SLC12A6: variants seen among roughly 807,000 people sequenced by gnomAD.
The protein encoded by SLC12A6 is solute carrier family 12 member 6.
SLC12A6 carries 66 observed loss-of-function variants against 135.3 expected under a neutral mutation model. That is an observed-to-expected ratio of 0.49 (90% CI 0.40 to 0.60). The LOEUF (loss-of-function observed/expected upper bound fraction) is 0.60. Ranked by LOEUF, SLC12A6 falls within the 20% of genes least tolerant of loss-of-function variation. The pLI, the probability that SLC12A6 is intolerant of heterozygous loss-of-function variation, is 0.00. For missense variants in SLC12A6, 1,058 were observed against 1,452.3 expected, an observed-to-expected ratio of 0.73 and a Z score of 4.41; for synonymous variants, 513 against 508.8, an observed-to-expected ratio of 1.01 and a Z score of -0.11.
intron 3 of SLC12A6, among the ~76,000 whole-genome samples, chr15:34,272,857 T>C (rs552571032): frequency 5.9e-5 from 9 of 152,220 alleles, no homozygotes; most frequent in Non-Finnish European, 1.3e-4. Context: ...GTGTTCCTGA[T>C]AATGAACTAT....
intron 3 of SLC12A6, among the ~76,000 whole-genome samples, chr15:34,274,668 C>T (rs1894179089): frequency 1.3e-5 from 2 of 152,050 alleles, no homozygotes; most frequent in Non-Finnish European, 2.9e-5. Context: ...CAAAAATTAG[C>T]TGGGTGTGGT....
At chr15:34,335,781 C>T (rs1890157131) in intron 2 of SLC12A6, among the ~76,000 whole-genome samples, 1 of 152,144 alleles carries the variant, frequency 6.6e-6, no homozygotes, top group South Asian at 2.1e-4. Flanking sequence ...ATCTAAAGCT[C>T]AGAGAGAATA....
At chr15:34,337,053 C>T in intron 1 of SLC12A6, 1 of 333,914 alleles carries the variant, frequency 3.0e-6, no homozygotes, top group South Asian at 2.5e-5. Context: ...GCCTCCCTCC[C>T]CTCAGCCCCC....
At position 34,254,066 on chromosome 15, in the gene SLC12A6, A is replaced by C. The variant is rs76027545; in HGVS notation, c.1118+282T>G. ...AATAGTTCAAAATGTGTATAATAAA[A>C]AAAGATTATGTACAATTATCAGGGA... On this transcript the variant is annotated intron_variant, in intron 9 of 25. Coordinates refer to ENST00000354181, the MANE Select transcript of SLC12A6 (RefSeq NM_001365088.1). Among the ~76,000 whole-genome samples the C allele has an allele frequency of 0.089, 13,611 of 152,290 alleles. 869 individuals carry two copies. The highest frequency in any genetic ancestry group is 0.21 in the South Asian group (1,018 of 4,830).
intron 2 of SLC12A6, among the ~76,000 whole-genome samples, chr15:34,321,079 A>C (rs1391801089): frequency 6.6e-6 from 1 of 152,190 alleles, no homozygotes; most frequent in Non-Finnish European, 1.5e-5. Context: ...AAACAGAAAC[A>C]TTAGACTAAG....
intron 2 of SLC12A6, among the ~76,000 whole-genome samples, chr15:34,310,514 G>A (rs1410567900): frequency 7.8e-6 from 1 of 128,606 alleles, no homozygotes; most frequent in Non-Finnish European, 1.6e-5. Context: ...GTGTGTCCCC[G>A]TGGCCAGGCT....
chr15:34,313,947 C>T (rs1162579709), intron 2 of SLC12A6, among the ~76,000 whole-genome samples: 5 of 107,296 alleles, frequency 4.7e-5, no homozygotes, highest in African/African-American at 7.6e-5. Context: ...CTCTTAAAAA[C>T]GAAAAAAAAA....
At chr15:34,245,016 A>T (rs1735966945) in intron 15 of SLC12A6, among the ~76,000 whole-genome samples, 1 of 152,226 alleles carries the variant, frequency 6.6e-6, no homozygotes, top group Non-Finnish European at 1.5e-5. Context: ...AATAAATAAA[A>T]ACTAACAGTG....
rs1055957108 is a variant in SLC12A6, at chr15:34,231,795, T to C, written c.*2086A>G. 6.6e-6 allele frequency: 1 copy of C among 152,088 alleles called. No individual in the cohort carries two copies. The highest frequency in any genetic ancestry group is 1.5e-5 in the Non-Finnish European group (1 of 68,066). 9.4% of individuals were successfully genotyped at this position (152,088 alleles called of 1,614,324 possible). A position where few individuals can be genotyped will look rare whatever the true frequency, so the allele number is the denominator to read the frequency against. ...TTGTAGAGACAGGGTTTCACCGTGT[T>C]AGCCAGGATGGTCTCAAATCTCCTG... On this transcript the variant is annotated 3_prime_UTR_variant, in exon 26 of 26. Coordinates refer to ENST00000354181, the MANE Select transcript of SLC12A6 (RefSeq NM_001365088.1).
chr15:34,236,745 C>T lies in SLC12A6; in HGVS notation c.3005G>A (p.Arg1002Gln), dbSNP rs778685963. The T allele has an allele frequency of 6.2e-6, 10 of 1,610,538 alleles. No homozygotes were observed. In the East Asian group the frequency reaches 1.1e-4, roughly 18 times the overall value. ...LMMEQRSQML[R>Q]HMRLSKTERD... ...CTCTGTTTTGGATAGCCGCATGTGC[C>T]GGAGCATCTGGGACCTTTGTTCCAT... Residue 1002 changes from arginine (R) to glutamine (Q), a missense_variant, in exon 23 of 26, where the codon CGG becomes CAG. By Grantham distance (43) the Arg-to-Gln change is conservative. This residue lies in a region of SLC12A6 where 245 missense variants were observed against 440.8 expected (regional missense o/e 0.56). Coordinates refer to ENST00000354181, the MANE Select transcript of SLC12A6 (RefSeq NM_001365088.1).
In SLC12A6 at chr15:34,258,893, T is replaced by G; in HGVS notation, c.463A>C (p.Asn155His). Residue 155 changes from asparagine to histidine, a missense_variant, in exon 5 of 26, where the codon AAT becomes CAT. Physicochemically the swap from Asn to His is moderately conservative, Grantham distance 68. Coordinates refer to ENST00000354181, the MANE Select transcript of SLC12A6 (RefSeq NM_001365088.1). Reference sequence around the variant, plus strand: ...GCTCCTTGAGTCAGATTAGTGTAATTGGCCATGCGGTTGAGGAGGGAAGAC... The same window carrying G: ...GCTCCTTGAGTCAGATTAGTGTAATGGGCCATGCGGTTGAGGAGGGAAGAC... Reference protein sequence around the residue: ...KVSSLLNRMANYTNLTQGAKE... With the variant: ...KVSSLLNRMAHYTNLTQGAKE... 6.2e-7 allele frequency: 1 copy of G among 1,611,576 alleles called. No homozygotes were observed. Among genetic ancestry groups the G allele is most frequent in the Non-Finnish European group, 8.5e-7 (1 of 1,177,654 alleles).
intron 2 of SLC12A6, among the ~76,000 whole-genome samples, chr15:34,301,101 T>C (rs1252156048): frequency 6.6e-6 from 1 of 152,074 alleles, no homozygotes; most frequent in Non-Finnish European, 1.5e-5. Flanking sequence ...CCTGAATAGC[T>C]GGGATTAGAG....
chr15:34,299,991 G>A lies in SLC12A6; in HGVS notation c.272-24602C>T, dbSNP rs145967268. Among the ~76,000 whole-genome samples, 906 of 152,146 alleles carry A rather than the reference G, an allele frequency of 6.0e-3. 16 individuals are homozygous for A. Among genetic ancestry groups the A allele is most frequent in the African/African-American group, 0.02 (841 of 41,460 alleles). ...TAGTAGCAGTGAAGATGGAGAGAAC[G>A]GGACAAATTTGAGAATTATTTGGAA... On this transcript the variant is annotated intron_variant, in intron 2 of 25. Coordinates refer to ENST00000354181, the MANE Select transcript of SLC12A6 (RefSeq NM_001365088.1).
intron 2 of SLC12A6, among the ~76,000 whole-genome samples, chr15:34,307,081 A>C (rs919561237): frequency 6.6e-6 from 1 of 152,226 alleles, no homozygotes; most frequent in Non-Finnish European, 1.5e-5. Context: ...CACTATCTTC[A>C]TTATAATTAT....
chr15:34,254,844 T>G (rs1287780326), intron 8 of SLC12A6, among the ~76,000 whole-genome samples: 1 of 152,074 alleles, frequency 6.6e-6, no homozygotes. Flanking sequence ...GAACAAATTA[T>G]TAATTTTATT....
chr15:34,252,548 CTG>C (rs1391896207), intron 9 of SLC12A6, among the ~76,000 whole-genome samples, 164 bp from the exon 10 acceptor site: 2 of 152,156 alleles, frequency 1.3e-5, no homozygotes, highest in African/African-American at 4.8e-5. Flanking sequence ...TATTTTAACA[CTG>C]TGAATGGTGA....
At chr15:34,247,781 T>G (rs1892100741) in intron 13 of SLC12A6, among the ~76,000 whole-genome samples, 1 of 152,026 alleles carries the variant, frequency 6.6e-6, no homozygotes. Context: ...CATGACTGAC[T>G]GTAGCCTCAA....
At chr15:34,323,965 ATGT>A in intron 2 of SLC12A6, among the ~76,000 whole-genome samples, 1 of 152,092 alleles carries the variant, frequency 6.6e-6, no homozygotes, top group East Asian at 1.9e-4. Context: ...TTTGGTAAAG[ATGT>A]AGCACAAACA....
In SLC12A6 at chr15:34,233,553, C is replaced by T. The variant is rs1449124423; in HGVS notation, c.*328G>A. 8 of 299,124 alleles carry T rather than the reference C, an allele frequency of 2.7e-5. No homozygotes were observed. The highest frequency in any genetic ancestry group is 8.9e-5 in the Admixed American group (2 of 22,472). 18.5% of individuals were successfully genotyped at this position (299,124 alleles called of 1,614,324 possible). A position where few individuals can be genotyped will look rare whatever the true frequency, so the allele number is the denominator to read the frequency against. Reference sequence around the variant, plus strand: ...AATACGTACTTGACTTGCTTTTTTTCTTCAGTTGAATTTCTAGCATCCCTT... The same window carrying T: ...AATACGTACTTGACTTGCTTTTTTTTTTCAGTTGAATTTCTAGCATCCCTT... On this transcript the variant is annotated 3_prime_UTR_variant, in exon 26 of 26. Coordinates refer to ENST00000354181, the MANE Select transcript of SLC12A6 (RefSeq NM_001365088.1).
Sources: gnomAD v4.1 joint callset for allele counts (sites outside exome capture counted in the v4.1 genomes callset) on GRCh38, gnomAD v4.1.1 for gene constraint, gnomAD v4.1.1 regional missense constraint, MANE v1.5 for transcripts, NCBI Gene and HGNC (gene_info 2026-07-23, HGNC 2026-07-21) for gene names.